The following HIPK1 variants were observed in gnomAD, a reference collection of about 807,000 sequenced individuals.
The protein encoded by HIPK1 is homeodomain-interacting protein kinase 1.
A neutral mutation model predicts 117.1 loss-of-function variants in HIPK1; 28 were observed. The ratio of observed to expected loss-of-function variants is 0.24; its 90% confidence interval spans 0.18 to 0.33. The LOEUF (loss-of-function observed/expected upper bound fraction) is 0.33, where lower values mean the gene tolerates loss of function less well. Among genes scored for constraint, HIPK1 ranks in the 10% least tolerant of loss-of-function variants. The pLI is 1.00. For synonymous variants in HIPK1, 605 were observed against 562.5 expected, an observed-to-expected ratio of 1.08 and a Z score of -1.07; for missense variants, 1,122 against 1,475.1, an observed-to-expected ratio of 0.76 and a Z score of 3.92.
chr1:113,940,345 A>T (rs781421957), intron 1 of HIPK1, 37 bp from the exon 2 acceptor site: 2 of 1,508,312 alleles, frequency 1.3e-6, no homozygotes, highest in Non-Finnish European at 1.8e-6. Context: ...TGTATCTTTT[A>T]TCCTTGTGGT....
At chr1:113,944,235 G>A (rs1164356956) in intron 2 of HIPK1, among the ~76,000 whole-genome samples, 5 of 133,386 alleles carry the variant, frequency 3.7e-5, no homozygotes, top group Non-Finnish European at 6.1e-5. Context: ...GCAGTGGTGC[G>A]ATCTCGGCTC....
At chr1:113,932,558 T>C (rs1669968614) in intron 1 of HIPK1, among the ~76,000 whole-genome samples, 1 of 151,818 alleles carries the variant, frequency 6.6e-6, no homozygotes, top group Admixed American at 6.6e-5. Context: ...TTTGTATTTT[T>C]AGTAGAGATA....
intron 1 of HIPK1, among the ~76,000 whole-genome samples, chr1:113,937,158 T>C (rs993530330): frequency 1.3e-5 from 2 of 152,228 alleles, no homozygotes; most frequent in East Asian, 3.8e-4. Context: ...TTGTACTTTT[T>C]TTTCTCTTCA....
intron 1 of HIPK1, 149 bp downstream of exon 1, chr1:113,929,681 AG>A: frequency 3.5e-6 from 3 of 864,530 alleles, no homozygotes; most frequent in Non-Finnish European, 4.5e-6. Context: ...GGACGGCAGC[AG>A]GAGGCCGAGG....
At chr1:113,949,026 C>T (rs1006159355) in intron 2 of HIPK1, among the ~76,000 whole-genome samples, 7 of 152,134 alleles carry the variant, frequency 4.6e-5, no homozygotes, top group African/African-American at 1.4e-4. Flanking sequence ...TTAGTAGAGA[C>T]TGGGTTTCAT....
chr1:113,968,436 C>T lies in HIPK1; in HGVS notation c.2565-6C>T, dbSNP rs777623559. On this transcript the variant is annotated splice_region_variant and splice_polypyrimidine_tract_variant and intron_variant, in intron 12 of 15. Transcript: ENST00000426820. ...AATCATCTTTCCATGTGAACTTTTC[C>T]TACAGGTCCTCTCTAGATGTTCTGC... The T allele has an allele frequency of 6.2e-7, 1 of 1,608,268 alleles. No homozygotes were observed. The highest frequency in any genetic ancestry group is 1.7e-5 in the Admixed American group (1 of 60,022).
intron 8 of HIPK1, among the ~76,000 whole-genome samples, 155 bp from the exon 9 acceptor site, chr1:113,962,162 C>T (rs1408251627): frequency 6.6e-6 from 1 of 152,102 alleles, no homozygotes; most frequent in Non-Finnish European, 1.5e-5. Context: ...TCTTAACTTC[C>T]AAGACTTCTA....
chr1:113,929,426 A>T lies in HIPK1; in HGVS notation c.-109A>T. Reference sequence around the variant, plus strand: ...GAAGTCCAGGCCCCGCACTCGATCCACGCTGGCTCCCTACGGAGGCCCACC... The same window carrying T: ...GAAGTCCAGGCCCCGCACTCGATCCTCGCTGGCTCCCTACGGAGGCCCACC... On this transcript the variant is annotated 5_prime_UTR_variant, in exon 1 of 16. Coordinates refer to ENST00000426820, the MANE Select transcript of HIPK1 (RefSeq NM_198268.3). 1.6e-6 allele frequency: 2 copies of T among 1,289,296 alleles called. No homozygotes were observed. Among genetic ancestry groups the T allele is most frequent in the Non-Finnish European group, 2.0e-6 (2 of 988,838 alleles). 79.9% of individuals were successfully genotyped at this position (1,289,296 alleles called of 1,614,324 possible).
At position 113,974,399 on chromosome 1, in the gene HIPK1, G is replaced by C. The variant is rs1302732352; in HGVS notation, c.*887G>C. The C allele has an allele frequency of 5.2e-5, 8 of 152,704 alleles. No individual in the cohort carries two copies. The highest frequency in any genetic ancestry group is 1.2e-4 in the Non-Finnish European group (8 of 68,028). 9.5% of individuals were successfully genotyped at this position (152,704 alleles called of 1,614,324 possible). A position where few individuals can be genotyped will look rare whatever the true frequency, so the allele number is the denominator to read the frequency against. Reference sequence around the variant, plus strand: ...ATTAAGGTGGTTATTATTACATGGTGGTGGTGGTTTTATTATATGCAAAAT... The same window carrying C: ...ATTAAGGTGGTTATTATTACATGGTCGTGGTGGTTTTATTATATGCAAAAT... On this transcript the variant is annotated 3_prime_UTR_variant, in exon 16 of 16. Transcript: ENST00000426820.
intron 9 of HIPK1, 138 bp from the exon 10 acceptor site, chr1:113,963,249 G>A: frequency 1.0e-6 from 1 of 957,204 alleles, no homozygotes; most frequent in Non-Finnish European, 1.6e-6. Flanking sequence ...GGGGAAAGTT[G>A]TGTTTGGTAT....
Position 113,929,426 on chromosome 1 carries a change from A to C in HIPK1, c.-109A>C. 7.8e-7 allele frequency: 1 copy of C among 1,289,296 alleles called. No homozygotes were observed. The highest frequency in any genetic ancestry group is 1.0e-6 in the Non-Finnish European group (1 of 988,838). 79.9% of individuals were successfully genotyped at this position (1,289,296 alleles called of 1,614,324 possible). On this transcript the variant is annotated 5_prime_UTR_variant, in exon 1 of 16. Coordinates refer to ENST00000426820, the MANE Select transcript of HIPK1 (RefSeq NM_198268.3). ...GAAGTCCAGGCCCCGCACTCGATCC[A>C]CGCTGGCTCCCTACGGAGGCCCACC...
intron 2 of HIPK1, among the ~76,000 whole-genome samples, chr1:113,945,030 G>A (rs1670897911): frequency 6.6e-6 from 1 of 151,848 alleles, no homozygotes; most frequent in African/African-American, 2.4e-5. Flanking sequence ...TGTATTTTTA[G>A]TAGAGACGGG....
chr1:113,929,582 G>A (rs1669691019), intron 1 of HIPK1, 50 bp downstream of exon 1: 2 of 1,253,560 alleles, frequency 1.6e-6, no homozygotes, highest in East Asian at 5.7e-5. Flanking sequence ...AGGCGGGGCC[G>A]GCCGGGTTGA....
rs939805152 is a variant in HIPK1, at chr1:113,975,814, A to G, written c.*2302A>G. On this transcript the variant is annotated 3_prime_UTR_variant, in exon 16 of 16. Coordinates refer to ENST00000426820, the MANE Select transcript of HIPK1 (RefSeq NM_198268.3). ...GCTTGTATAGTCTTGGGGCCCTTCA[A>G]GCTGTGAAATTGTCCTTGTACTCTC... 1 of 152,560 alleles carries G rather than the reference A, an allele frequency of 6.6e-6. No homozygotes were observed. Among genetic ancestry groups the G allele is most frequent in the Non-Finnish European group, 1.5e-5 (1 of 68,036 alleles). 9.5% of individuals were successfully genotyped at this position (152,560 alleles called of 1,614,324 possible).
chr1:113,963,796 C>G (rs777691874), intron 10 of HIPK1, among the ~76,000 whole-genome samples: 40 of 152,140 alleles, frequency 2.6e-4, no homozygotes, highest in Non-Finnish European at 4.9e-4. Context: ...TCCCTTGATT[C>G]TTCTTTGCCA....
chr1:113,957,679 T>C (rs1031219416), intron 7 of HIPK1, among the ~76,000 whole-genome samples: 2 of 152,218 alleles, frequency 1.3e-5, no homozygotes, highest in South Asian at 4.1e-4. Flanking sequence ...ATTTGTTTGC[T>C]AGCCAGTGAT....
intron 1 of HIPK1, among the ~76,000 whole-genome samples, chr1:113,939,972 CAA>C (rs1670542446): frequency 2.0e-5 from 1 of 51,212 alleles, no homozygotes. Context: ...TTTTTTTTTT[CAA>C]TTTTAGTATT....
chr1:113,952,257 ATT>A (rs34718017), intron 2 of HIPK1, among the ~76,000 whole-genome samples: 8 of 148,404 alleles, frequency 5.4e-5, no homozygotes, highest in Admixed American at 1.3e-4. Context: ...CTTTTAATTG[ATT>A]TTTTTTTTTT....
chr1:113,970,012 C>G lies in HIPK1; in HGVS notation c.2828C>G (p.Pro943Arg). The change falls in exon 14 of 16, where the codon CCA becomes CGA. Residue 943 changes from proline (P) to arginine (R), a missense_variant. By Grantham distance (103) the Pro-to-Arg change is moderately radical. Around this residue, in one of 6 missense-constraint regions of HIPK1, gnomAD observed 731 missense variants for 860.4 expected, o/e 0.85. Transcript: ENST00000426820. ...VISYVTVNDSPDSDSSLSSPY... is the reference protein window; with the variant it reads ...VISYVTVNDSRDSDSSLSSPY... ...AGTTATGTCACTGTCAATGATTCTC[C>G]AGACTCTGACTCTTCTTTGAGCAGC... The G allele has an allele frequency of 8.1e-6, 13 of 1,614,118 alleles. No homozygotes were observed. Among genetic ancestry groups the G allele is most frequent in the Non-Finnish European group, 1.1e-5 (13 of 1,179,954 alleles).
Sources: gnomAD v4.1 joint callset for allele counts (sites outside exome capture counted in the v4.1 genomes callset) on GRCh38, gnomAD v4.1.1 for gene constraint, gnomAD v4.1.1 regional missense constraint, MANE v1.5 for transcripts, NCBI Gene and HGNC (gene_info 2026-07-23, HGNC 2026-07-21) for gene names.